The following NUP210 variants were observed in gnomAD, a reference collection of about 807,000 sequenced individuals.
NUP210 encodes nuclear pore membrane glycoprotein 210.
In NUP210, 151 loss-of-function variants were observed where a neutral mutation model predicts 196.0. The ratio of observed to expected loss-of-function variants is 0.77; its 90% CI spans 0.67 to 0.88. The LOEUF is 0.88. Among genes scored for constraint, NUP210 ranks in the 40% least tolerant of loss-of-function variants. The pLI, the probability that NUP210 is intolerant of heterozygous loss-of-function variation, is 0.00. For synonymous variants in NUP210, 1,070 were observed against 1,052.7 expected, an observed-to-expected ratio of 1.02 and a Z score of -0.32; for missense variants, 2,314 against 2,493.7, an observed-to-expected ratio of 0.93 and a Z score of 1.53.
At chr3:13,406,233 T>A (rs1310569443) in intron 1 of NUP210, among the ~76,000 whole-genome samples, 1 of 152,156 alleles carries the variant, frequency 6.6e-6, no homozygotes, top group Non-Finnish European at 1.5e-5. Context: ...GCCTTCCCTC[T>A]GGTACAGAGT....
chr3:13,317,834 C>A (rs1696334808), intron 39 of NUP210, 53 bp from the exon 40 acceptor site: 4 of 1,292,950 alleles, frequency 3.1e-6, no homozygotes, highest in Non-Finnish European at 4.4e-6. Context: ...AAGCGGCGCA[C>A]TCTTCAGTTA....
chr3:13,378,830 G>T, intron 8 of NUP210, 82 bp downstream of exon 8: 1 of 1,035,044 alleles, frequency 9.7e-7, no homozygotes, highest in Non-Finnish European at 1.5e-6. Context: ...TTTCTGTGGA[G>T]CTATTGCTTC....
rs779134650 is a variant in NUP210, at chr3:13,371,927, C to T, written c.1693G>A (p.Gly565Ser). Residue 565 changes from glycine (G) to serine (S), a missense_variant, in exon 13 of 40, where the codon GGC (glycine) becomes AGC (serine). By Grantham distance (56) the Gly-to-Ser change is moderately conservative. Transcript: ENST00000254508. ...AAGGTGACCACCTCACTGGCCCCGC[C>T]GGGCATGAGGCCACTGATCCTCAGG... ...LPLRISGLMP[G>S]GASEVVTLSD... 19 of 1,608,078 alleles carry T rather than the reference C, an allele frequency of 1.2e-5. No individual in the cohort carries two copies. Among genetic ancestry groups the T allele is most frequent in the Middle Eastern group, 1.6e-4 (1 of 6,078 alleles).
At chr3:13,345,786 G>A (rs762416494) in intron 20 of NUP210, among the ~76,000 whole-genome samples, 3 of 152,140 alleles carry the variant, frequency 2.0e-5, no homozygotes, top group Non-Finnish European at 2.9e-5. Flanking sequence ...CCAGGTTTCT[G>A]GTTTTGCTGG....
At chr3:13,346,857 C>T (rs758510349) in intron 20 of NUP210, among the ~76,000 whole-genome samples, 14 of 152,252 alleles carry the variant, frequency 9.2e-5, no homozygotes, top group Non-Finnish European at 1.6e-4. Flanking sequence ...TCAAGGCAAG[C>T]AGGGAAGGAC....
In NUP210 at chr3:13,323,209, T is replaced by G; in HGVS notation, c.4768+100A>C. On this transcript the variant is annotated intron_variant, in intron 34 of 39. Transcript: ENST00000254508. The surrounding 1 kb of genome is among the most constrained non-coding windows in gnomAD (Gnocchi z 4.3). ...ATGCCCTCTCTGGAGTTGGTGTGAG[T>G]GTGAATAGGAGAAGCAGATAAACTC... 2 of 1,449,128 alleles carry G rather than the reference T, an allele frequency of 1.4e-6. No individual in the cohort carries two copies. The highest frequency in any genetic ancestry group is 9.5e-7 in the Non-Finnish European group (1 of 1,057,918). 89.8% of individuals were successfully genotyped at this position (1,449,128 alleles called of 1,614,324 possible). A position where few individuals can be genotyped will look rare whatever the true frequency, so the allele number is the denominator to read the frequency against.
chr3:13,332,966 C>G (rs1697059610), intron 28 of NUP210, among the ~76,000 whole-genome samples: 2 of 152,232 alleles, frequency 1.3e-5, no homozygotes, highest in African/African-American at 4.8e-5. Context: ...TGCCACCGAA[C>G]TGCTCCCTTC....
In NUP210 at chr3:13,373,802, G is replaced by A. The variant is rs1414034158; in HGVS notation, c.1503C>T (p.Gly501=). Residue 501 remains glycine, a synonymous_variant, in exon 12 of 40, where the codon GGC becomes GGT. Transcript: ENST00000254508. ...CGATGTCACTGCCTGTGGTCATCAC[G>A]CCCTTGACAGTAACTGTGGCAACCA... The part of the protein sequence containing the change: ...SHLVATVTVK[G]VMTTGSDIGF... 2.1e-5 allele frequency: 34 copies of A among 1,613,968 alleles called. No homozygotes were observed. The highest frequency in any genetic ancestry group is 2.4e-5 in the Non-Finnish European group (28 of 1,179,974).
Position 13,399,715 on chromosome 3 carries a change from C to G in NUP210, c.304+10G>C, listed in dbSNP as rs372489491. The G allele has an allele frequency of 6.2e-7, 1 of 1,614,120 alleles. No individual in the cohort carries two copies. The highest frequency in any genetic ancestry group is 2.2e-5 in the East Asian group (1 of 44,874). ...CCCACCGGGGATCACACACAGCACTCAGCCCTTACTGATGTCCTCTGCGAA... is the reference window on the plus strand; with the variant it reads ...CCCACCGGGGATCACACACAGCACTGAGCCCTTACTGATGTCCTCTGCGAA... On this transcript the variant is annotated intron_variant, in intron 2 of 39. Coordinates refer to ENST00000254508, the MANE Select transcript of NUP210 (RefSeq NM_024923.4).
intron 1 of NUP210, among the ~76,000 whole-genome samples, chr3:13,415,957 G>T (rs1223324898): frequency 1.3e-5 from 2 of 152,140 alleles, no homozygotes; most frequent in African/African-American, 2.4e-5. Flanking sequence ...CACACGCAAG[G>T]GTAGTGCTGG....
chr3:13,395,929 C>T (rs1379772216), intron 3 of NUP210, among the ~76,000 whole-genome samples: 2 of 152,202 alleles, frequency 1.3e-5, no homozygotes, highest in African/African-American at 4.8e-5. Context: ...CCCTGGCTTA[C>T]TGAGTACTCA....
At chr3:13,363,953 C>G (rs978543367) in intron 14 of NUP210, among the ~76,000 whole-genome samples, 1 of 152,164 alleles carries the variant, frequency 6.6e-6, no homozygotes, top group African/African-American at 2.4e-5. Flanking sequence ...CTCTAGCTCC[C>G]AGAAGGTGCG....
intron 1 of NUP210, among the ~76,000 whole-genome samples, chr3:13,406,574 A>T (rs1312598776): frequency 6.6e-6 from 1 of 151,978 alleles, no homozygotes; most frequent in African/African-American, 2.4e-5. Context: ...AGATGCCAAC[A>T]CTTTCATCTG....
Position 13,347,102 on chromosome 3 carries a change from C to T in NUP210, c.2836-3799G>A, listed in dbSNP as rs987840424. 1.0e-6 allele frequency: 1 copy of T among 985,436 alleles called. No homozygotes were observed. The highest frequency in any genetic ancestry group is 1.2e-6 in the Non-Finnish European group (1 of 829,932). 61.0% of individuals were successfully genotyped at this position (985,436 alleles called of 1,614,324 possible). On this transcript the variant is annotated intron_variant, in intron 20 of 39. Transcript: ENST00000254508. This position sits in a 1 kb window ranked among gnomAD's most constrained non-coding sequence, Gnocchi z 4.7. ...CACATGTCCTCACCTGAACAATGGC[C>T]CCATGACGGGCTGCGCCTCACAGGA...
At chr3:13,378,400 T>G (rs1180034096) in intron 8 of NUP210, among the ~76,000 whole-genome samples, 1 of 152,256 alleles carries the variant, frequency 6.6e-6, no homozygotes, top group Non-Finnish European at 1.5e-5. Flanking sequence ...ATGCCCAGTG[T>G]ACTTTTTCAC....
intron 1 of NUP210, among the ~76,000 whole-genome samples, chr3:13,410,928 A>AAT (rs1297842987): frequency 8.6e-6 from 1 of 115,994 alleles, no homozygotes; most frequent in Non-Finnish European, 1.7e-5. Context: ...AAAAAAAAAA[A>AAT]AAAAAAAAAT....
At chr3:13,354,372 C>A in intron 16 of NUP210, 1 of 494,842 alleles carries the variant, frequency 2.0e-6, no homozygotes, top group Non-Finnish European at 3.7e-6. Context: ...GGAGGCATTT[C>A]TGGCTGTCCC....
chr3:13,386,431 A>T, intron 5 of NUP210, 24 bp from the exon 6 acceptor site: 1 of 1,613,754 alleles, frequency 6.2e-7, no homozygotes, highest in East Asian at 2.2e-5. Context: ...AAAGGCAGAC[A>T]AAGTGAGGTG....
Position 13,420,180 on chromosome 3 carries a change from A to G in NUP210, c.47T>C (p.Leu16Pro). 1 of 1,243,124 alleles carries G rather than the reference A, an allele frequency of 8.0e-7. No homozygotes were observed. The highest frequency in any genetic ancestry group is 1.0e-6 in the Non-Finnish European group (1 of 976,008). 77.0% of individuals were successfully genotyped at this position (1,243,124 alleles called of 1,614,324 possible). A position where few individuals can be genotyped will look rare whatever the true frequency, so the allele number is the denominator to read the frequency against. ...AGCGGCGGAGGGGCCCGCCGCCAAC[A>G]GCACCGACAGCGTCAGCAGCAGCAG... ...RGLLLLTLSVLLAAGPSAAAA... is the reference protein window; with the variant it reads ...RGLLLLTLSVPLAAGPSAAAA... Residue 16 changes from leucine to proline, a missense_variant, in exon 1 of 40, where the codon CTG becomes CCG. Leu to Pro is a moderately conservative substitution (Grantham distance 98, BLOSUM62 -3). Coordinates refer to ENST00000254508, the MANE Select transcript of NUP210 (RefSeq NM_024923.4). This position sits in a 1 kb window ranked among gnomAD's most constrained non-coding sequence, Gnocchi z 4.8.
Sources: allele counts gnomAD v4.1 joint callset (sites outside exome capture counted in the v4.1 genomes callset), GRCh38; gene constraint gnomAD v4.1.1; non-coding constraint Gnocchi (gnomAD v3.1); transcripts MANE v1.5; gene names NCBI Gene and HGNC (gene_info 2026-07-23, HGNC 2026-07-21).